The following CTNNBL1 variants were observed in gnomAD, a reference collection of about 807,000 sequenced individuals.
CTNNBL1 encodes beta-catenin-like protein 1.
A neutral mutation model predicts 72.7 loss-of-function variants in CTNNBL1; 31 were observed. The observed-to-expected ratio is 0.43, with a 90% CI of 0.32 to 0.58. The LOEUF (loss-of-function observed/expected upper bound fraction) is 0.58. CTNNBL1 is among the 20% of genes least tolerant of loss of function. CTNNBL1 has a pLI of 0.08. For missense variants in CTNNBL1, 534 were observed against 725.1 expected, an observed-to-expected ratio of 0.74 and a Z score of 3.03; for synonymous variants, 240 against 267.3, an observed-to-expected ratio of 0.90 and a Z score of 1.00.
intron 1 of CTNNBL1, among the ~76,000 whole-genome samples, chr20:37,708,599 A>C (rs1210979160): frequency 6.6e-6 from 1 of 152,238 alleles, no homozygotes; most frequent in Non-Finnish European, 1.5e-5. Flanking sequence ...GAATTCCAGC[A>C]GTGACTGATC....
At chr20:37,856,962 G>A (rs1003403115) in intron 13 of CTNNBL1, among the ~76,000 whole-genome samples, 5 of 152,154 alleles carry the variant, frequency 3.3e-5, no homozygotes, top group African/African-American at 1.2e-4. Context: ...ACTGTACCAA[G>A]TTACTCATTT....
Position 37,733,013 on chromosome 20 carries a change from CA to C in CTNNBL1, c.172del (p.Arg58GlyfsTer25), listed in dbSNP as rs761516328. On this transcript the variant is annotated frameshift_variant, in exon 2 of 16. Transcript: ENST00000361383. LOFTEE classifies it high-confidence loss of function. ...MTVVEEADDD[K>X]KRLLQIIDRD... ...CTGTGGTGGAGGAAGCGGATGATGA[CA>C]AAAAAAGGCTGCTGCAGATTATTGA... The C allele has an allele frequency of 6.2e-7, 1 of 1,613,178 alleles. No individual in the cohort carries two copies. The highest frequency in any genetic ancestry group is 8.5e-7 in the Non-Finnish European group (1 of 1,179,750).
At chr20:37,765,607 T>A (rs2073459916) in intron 6 of CTNNBL1, among the ~76,000 whole-genome samples, 1 of 152,256 alleles carries the variant, frequency 6.6e-6, no homozygotes, top group Non-Finnish European at 1.5e-5. Flanking sequence ...TTGTTTCCTT[T>A]GGAATGTGTA....
At chr20:37,821,663 A>G (rs2072109057) in intron 11 of CTNNBL1, among the ~76,000 whole-genome samples, 2 of 152,244 alleles carry the variant, frequency 1.3e-5, no homozygotes, top group Admixed American at 1.3e-4. Flanking sequence ...TAGCTGGAAT[A>G]TGTATGTTAG....
At chr20:37,826,491 C>G (rs2072161263) in intron 11 of CTNNBL1, among the ~76,000 whole-genome samples, 1 of 152,138 alleles carries the variant, frequency 6.6e-6, no homozygotes, top group South Asian at 2.1e-4. Context: ...TTCAGTGGAC[C>G]TATTTCAATG....
At chr20:37,713,131 T>A (rs938464068) in intron 1 of CTNNBL1, among the ~76,000 whole-genome samples, 2 of 152,198 alleles carry the variant, frequency 1.3e-5, no homozygotes, top group African/African-American at 4.8e-5. Context: ...TTTTTTTGAC[T>A]GAAGATTTCT....
At chr20:37,825,316 G>A (rs2072149222) in intron 11 of CTNNBL1, among the ~76,000 whole-genome samples, 1 of 152,028 alleles carries the variant, frequency 6.6e-6, no homozygotes, top group African/African-American at 2.4e-5. Flanking sequence ...TTGCATCGCT[G>A]TACTCCAGCC....
chr20:37,760,742 C>A (rs757140678), intron 5 of CTNNBL1, among the ~76,000 whole-genome samples: 3 of 152,144 alleles, frequency 2.0e-5, no homozygotes, highest in African/African-American at 7.2e-5. Context: ...AGAGTAAACA[C>A]CTGATAAATG....
At chr20:37,723,131 G>A (rs544253058) in intron 1 of CTNNBL1, among the ~76,000 whole-genome samples, 7 of 152,344 alleles carry the variant, frequency 4.6e-5, no homozygotes, top group Non-Finnish European at 4.4e-5. Flanking sequence ...GGACATTAAA[G>A]TATAGTTTGT....
At chr20:37,716,374 C>A (rs950284602) in intron 1 of CTNNBL1, among the ~76,000 whole-genome samples, 1 of 152,154 alleles carries the variant, frequency 6.6e-6, no homozygotes, top group Admixed American at 6.5e-5. Flanking sequence ...CGCATTTGCC[C>A]AGGCTGCCAG....
chr20:37,760,355 C>G (rs1197097240), intron 5 of CTNNBL1, among the ~76,000 whole-genome samples: 1 of 152,150 alleles, frequency 6.6e-6, no homozygotes, highest in African/African-American at 2.4e-5. Flanking sequence ...GCTTTGCCTT[C>G]CACTTGCCTA....
At chr20:37,841,085 A>G (rs2072300149) in intron 12 of CTNNBL1, among the ~76,000 whole-genome samples, 1 of 152,252 alleles carries the variant, frequency 6.6e-6, no homozygotes, top group African/African-American at 2.4e-5. Context: ...GATAATAGAG[A>G]AGATGACTTT....
chr20:37,720,020 T>A (rs111456103), intron 1 of CTNNBL1, among the ~76,000 whole-genome samples: 5 of 151,664 alleles, frequency 3.3e-5, no homozygotes, highest in South Asian at 4.2e-4. Flanking sequence ...CTAATTTTTT[T>A]AAAATTTATT....
chr20:37,795,651 A>G (rs1194971867), intron 10 of CTNNBL1, among the ~76,000 whole-genome samples: 2 of 152,044 alleles, frequency 1.3e-5, no homozygotes, highest in Non-Finnish European at 2.9e-5. Context: ...TTTCCTCTGT[A>G]GCTGCTCAGT....
chr20:37,753,399 T>G (rs1008463024), intron 4 of CTNNBL1, among the ~76,000 whole-genome samples: 1 of 152,224 alleles, frequency 6.6e-6, no homozygotes, highest in Non-Finnish European at 1.5e-5. Context: ...CTAAAATGTT[T>G]CTTATTTTTT....
intron 1 of CTNNBL1, among the ~76,000 whole-genome samples, chr20:37,698,458 T>C (rs1363840870): frequency 6.6e-6 from 1 of 152,200 alleles, no homozygotes; most frequent in Non-Finnish European, 1.5e-5. Context: ...AGGCTAAGTT[T>C]CAGAACCCAA....
Position 37,739,016 on chromosome 20 carries a change from C to T in CTNNBL1, c.326+1532C>T, listed in dbSNP as rs996479663. On this transcript the variant is annotated intron_variant, in intron 3 of 15. Coordinates refer to ENST00000361383, the MANE Select transcript of CTNNBL1 (RefSeq NM_030877.5). ...AGGAGTAGCTATTAATAGATCAGGGCCCAGCTTATCCAGCATTAGAGTCCT... is the reference window on the plus strand; with the variant it reads ...AGGAGTAGCTATTAATAGATCAGGGTCCAGCTTATCCAGCATTAGAGTCCT... Among the ~76,000 whole-genome samples, 5 of 152,134 alleles carry T rather than the reference C, an allele frequency of 3.3e-5. 1 individual carries two copies. The highest frequency in any genetic ancestry group is 4.2e-4 in the South Asian group (2 of 4,814).
chr20:37,796,609 T>C (rs1234519458), intron 10 of CTNNBL1, among the ~76,000 whole-genome samples: 1 of 152,178 alleles, frequency 6.6e-6, no homozygotes, highest in Non-Finnish European at 1.5e-5. Flanking sequence ...AACTTGTATA[T>C]TGATCTTATA....
chr20:37,796,086 C>A (rs746340375), intron 10 of CTNNBL1, among the ~76,000 whole-genome samples: 3 of 152,180 alleles, frequency 2.0e-5, no homozygotes, highest in African/African-American at 4.8e-5. Context: ...TCTTACTACT[C>A]CGCCAGGTGC....
Sources: allele counts gnomAD v4.1 joint callset (sites outside exome capture counted in the v4.1 genomes callset), GRCh38; gene constraint gnomAD v4.1.1; transcripts MANE v1.5; gene names NCBI Gene and HGNC (gene_info 2026-07-23, HGNC 2026-07-21).